The following CIMAP1D variants were observed in gnomAD, a reference collection of about 807,000 sequenced individuals.
The protein encoded by CIMAP1D is protein CIMAP1D.
chr19:472,721 C>G, the CIMAP1D span: 4 of 520,594 alleles, frequency 7.7e-6, no homozygotes, highest in Non-Finnish European at 1.4e-5. Context: ...ACAGCAGCCC[C>G]CCTCACCCTG....
chr19:480,546 G>GATGATGGAGAAC, the CIMAP1D span, among the ~76,000 whole-genome samples: 12 of 100,616 alleles, frequency 1.2e-4, no homozygotes, highest in African/African-American at 1.7e-4. Context: ...TGATGGGGAA[G>GATGATGGAGAAC]GATGATGGAG....
chr19:481,471 G>C, the CIMAP1D span, among the ~76,000 whole-genome samples: 1 of 113,590 alleles, frequency 8.8e-6, no homozygotes, highest in Non-Finnish European at 1.8e-5. Context: ...TGGGAAGGAT[G>C]ATGGGGAAGG....
At chr19:484,715 G>A in the CIMAP1D span, among the ~76,000 whole-genome samples, 3 of 152,208 alleles carry the variant, frequency 2.0e-5, no homozygotes, top group Non-Finnish European at 4.4e-5. Flanking sequence ...GAGGAGCGAG[G>A]AGGAGGCCAG....
chr19:479,411 T>TG, the CIMAP1D span, among the ~76,000 whole-genome samples: 2,536 of 32,368 alleles, frequency 0.078, 120 homozygotes, highest in Non-Finnish European at 0.14. Flanking sequence ...TTTTTTTTTT[T>TG]GGGGGGGGGG....
At chr19:465,471 G>A in the CIMAP1D span, among the ~76,000 whole-genome samples, 1 of 137,488 alleles carries the variant, frequency 7.3e-6, no homozygotes, top group Admixed American at 7.2e-5. Flanking sequence ...GGATAGATGG[G>A]TGGGTGGGTG....
the CIMAP1D span, among the ~76,000 whole-genome samples, chr19:471,293 C>T: frequency 1.3e-5 from 2 of 152,028 alleles, no homozygotes; most frequent in Non-Finnish European, 2.9e-5. Context: ...GGACTACAGG[C>T]GCCTGCAACC....
the CIMAP1D span, among the ~76,000 whole-genome samples, chr19:478,797 C>T: frequency 3.3e-5 from 5 of 152,270 alleles, no homozygotes; most frequent in African/African-American, 9.6e-5. Flanking sequence ...CGTCACTGCC[C>T]GGCCTGGGTG....
chr19:472,266 C>A, the CIMAP1D span: 1 of 500,808 alleles, frequency 2.0e-6, no homozygotes, highest in South Asian at 3.2e-5. Flanking sequence ...GTTGTACAGC[C>A]CAGCCCTGCC....
chr19:463,985 G>A, the CIMAP1D span: 2 of 1,610,162 alleles, frequency 1.2e-6, no homozygotes, highest in Middle Eastern at 1.7e-4. Context: ...GCTCTGGGCA[G>A]TGGGCGCCAG....
the CIMAP1D span, among the ~76,000 whole-genome samples, chr19:477,405 C>T: frequency 2.6e-5 from 4 of 152,082 alleles, no homozygotes; most frequent in Middle Eastern, 6.8e-3. Context: ...GAAACCCCGT[C>T]TCTATTAAAA....
At chr19:464,367 G>C in the CIMAP1D span, 1 of 1,519,646 alleles carries the variant, frequency 6.6e-7, no homozygotes, top group Non-Finnish European at 8.9e-7. Flanking sequence ...CTCCGGACCT[G>C]AGAGAGTGGG....
the CIMAP1D span, among the ~76,000 whole-genome samples, chr19:480,634 GGATGATGGT>G: frequency 7.5e-3 from 803 of 106,774 alleles, no homozygotes; most frequent in South Asian, 0.022. Context: ...TGATGGGGAA[GGATGATGGT>G]AAGGATGATG....
the CIMAP1D span, chr19:463,890 G>T: frequency 6.2e-7 from 1 of 1,611,126 alleles, no homozygotes; most frequent in South Asian, 1.1e-5. Context: ...CCGGGAGGGC[G>T]TGGTGGCGGC....
chr19:489,020 C>G, the CIMAP1D span, among the ~76,000 whole-genome samples: 1 of 152,094 alleles, frequency 6.6e-6, no homozygotes, highest in African/African-American at 2.4e-5. Flanking sequence ...GCTAGAGCGG[C>G]CCCGCCAGCG....
chr19:476,380 G>A, the CIMAP1D span, among the ~76,000 whole-genome samples: 2 of 151,892 alleles, frequency 1.3e-5, no homozygotes, highest in Non-Finnish European at 2.9e-5. Context: ...AGTAGAGATG[G>A]GGTTTCTCCA....
chr19:482,714 C>T, the CIMAP1D span, among the ~76,000 whole-genome samples: 8 of 152,234 alleles, frequency 5.3e-5, no homozygotes, highest in East Asian at 1.9e-4. Flanking sequence ...TGGACAGAGG[C>T]GGAGGTCACA....
the CIMAP1D span, chr19:467,812 GC>G: frequency 1.7e-6 from 2 of 1,206,832 alleles, no homozygotes; most frequent in Non-Finnish European, 2.4e-6. Flanking sequence ...GACAGTGCCT[GC>G]CCCACCGCCC....
the CIMAP1D span, among the ~76,000 whole-genome samples, chr19:465,416 T>C: frequency 2.4e-4 from 15 of 63,678 alleles, no homozygotes; most frequent in Admixed American, 6.0e-4. Context: ...GGTGTGTGGA[T>C]TGATGGGTAG....
the CIMAP1D span, among the ~76,000 whole-genome samples, chr19:485,295 T>C: frequency 2.6e-5 from 4 of 152,102 alleles, no homozygotes; most frequent in African/African-American, 4.8e-5. Context: ...CGTGCTCACA[T>C]AGGAACACGA....
Sources: allele counts gnomAD v4.1 joint callset (sites outside exome capture counted in the v4.1 genomes callset), GRCh38; gene constraint gnomAD v4.1.1; transcripts MANE v1.5; gene names NCBI Gene and HGNC (gene_info 2026-07-23, HGNC 2026-07-21).